Variants in TOMM70 observed in about 807,000 individuals in gnomAD.
TOMM70 encodes translocase of outer mitochondrial membrane 70.
Under a neutral mutation model 73.6 loss-of-function variants are expected in TOMM70, and 13 were observed. That is an observed-to-expected ratio of 0.18 (90% CI 0.11 to 0.28). TOMM70 has a LOEUF of 0.28. Among genes scored for constraint, TOMM70 ranks in the 10% least tolerant of loss-of-function variants. The probability of loss-of-function intolerance (pLI) is 1.00; values close to 1 mark genes in which losing one functional copy is unlikely to be tolerated. For missense variants in TOMM70, 609 were observed against 747.5 expected, an observed-to-expected ratio of 0.81 and a Z score of 2.16; for synonymous variants, 257 against 271.2, an observed-to-expected ratio of 0.95 and a Z score of 0.51.
intron 5 of TOMM70, among the ~76,000 whole-genome samples, chr3:100,379,557 G>A (rs1706606967): frequency 6.6e-6 from 1 of 152,198 alleles, no homozygotes; most frequent in African/African-American, 2.4e-5. Flanking sequence ...GATTCCAGGA[G>A]TTGGAGGCTG....
intron 8 of TOMM70, among the ~76,000 whole-genome samples, chr3:100,373,040 T>C (rs1706527495): frequency 6.6e-6 from 1 of 152,054 alleles, no homozygotes; most frequent in Non-Finnish European, 1.5e-5. Context: ...ATTTATAATA[T>C]ATATTTGTGA....
chr3:100,378,157 C>T (rs187383806), intron 5 of TOMM70, among the ~76,000 whole-genome samples: 3 of 151,862 alleles, frequency 2.0e-5, no homozygotes, highest in East Asian at 1.9e-4. Context: ...GCAGGAGAAT[C>T]GCTTGAACCC....
chr3:100,377,525 T>C (rs1040768705), intron 6 of TOMM70, 180 bp downstream of exon 6: 3 of 607,102 alleles, frequency 4.9e-6, no homozygotes, highest in Admixed American at 3.1e-5. Context: ...ATAAATATCA[T>C]TGATATTTAT....
Position 100,365,536 on chromosome 3 carries a change from A to G in TOMM70, c.*28T>C, listed in dbSNP as rs1706439467. ...GTTGAAGAGGGGGTAAACTTTTAAA[A>G]AGAGGGTCAGTCTGCTTTCCCCCTG... is the stretch of plus-strand genomic sequence containing the variant. On this transcript the variant is annotated 3_prime_UTR_variant, in exon 12 of 12. Coordinates refer to ENST00000284320, the MANE Select transcript of TOMM70 (RefSeq NM_014820.5). 6.2e-7 allele frequency: 1 copy of G among 1,613,770 alleles called. No individual in the cohort carries two copies. The highest frequency in any genetic ancestry group is 1.3e-5 in the African/African-American group (1 of 75,030).
At chr3:100,368,903 G>C in intron 10 of TOMM70, 135 bp downstream of exon 10, 1 of 616,860 alleles carries the variant, frequency 1.6e-6, no homozygotes. Flanking sequence ...AGAATGAAAA[G>C]ACATCTAGGA....
chr3:100,386,295 T>C lies in TOMM70; in HGVS notation c.548A>G (p.Asn183Ser). Residue 183 changes from asparagine to serine, a missense_variant, in exon 3 of 12, where the codon AAT becomes AGT. Physicochemically the swap from Asn to Ser is conservative, Grantham distance 46 (BLOSUM62 1). Transcript: ENST00000284320. ...AAAGAGAGCTTTCACATATTTGGGA[T>C]TAAGTTCAACAGCTTTTGTACAGTC... ...AQDCTKAVEL[N>S]PKYVKALFRR... 6.2e-7 allele frequency: 1 copy of C among 1,613,400 alleles called. No homozygotes were observed. Among genetic ancestry groups the C allele is most frequent in the Non-Finnish European group, 8.5e-7 (1 of 1,179,606 alleles).
chr3:100,388,747 T>C (rs890233041), intron 1 of TOMM70, among the ~76,000 whole-genome samples: 64 of 152,086 alleles, frequency 4.2e-4, no homozygotes, highest in African/African-American at 1.5e-3. Flanking sequence ...TTCAAAAAAA[T>C]GAGAGGCTAT....
At chr3:100,371,563 A>G (rs1432027252) in intron 9 of TOMM70, among the ~76,000 whole-genome samples, 1 of 152,116 alleles carries the variant, frequency 6.6e-6, no homozygotes, top group African/African-American at 2.4e-5. Context: ...CACCACACCC[A>G]GCCAGGGGAT....
At position 100,372,652 on chromosome 3, in the gene TOMM70, A is replaced by G. The variant is rs1416610483; in HGVS notation, c.1406T>C (p.Ile469Thr). Residue 469 changes from isoleucine (I) to threonine (T), a missense_variant, in exon 9 of 12, where the codon ATA (isoleucine) becomes ACA (threonine). Ile to Thr is a moderately conservative substitution (Grantham distance 89, BLOSUM62 -1). Transcript: ENST00000284320. ...QAAMKGFEEV[I>T]KKFPRCAEGY... ...TTCGGCACACCTTGGAAATTTCTTT[A>G]TGACCTCTTCAAAACCTTTCATAGC... 1 of 1,614,174 alleles carries G rather than the reference A, an allele frequency of 6.2e-7. No individual in the cohort carries two copies. Among genetic ancestry groups the G allele is most frequent in the South Asian group, 1.1e-5 (1 of 91,080 alleles).
chr3:100,379,495 G>T (rs1288982944), intron 5 of TOMM70, among the ~76,000 whole-genome samples: 1 of 152,136 alleles, frequency 6.6e-6, no homozygotes, highest in Non-Finnish European at 1.5e-5. Flanking sequence ...AGGCATGGTG[G>T]TGTGCACTTA....
At chr3:100,371,687 A>G (rs768985765) in intron 9 of TOMM70, among the ~76,000 whole-genome samples, 3 of 152,238 alleles carry the variant, frequency 2.0e-5, no homozygotes, top group African/African-American at 7.2e-5. Flanking sequence ...GCAGTCCCCA[A>G]CACCTTCCCA....
chr3:100,384,840 T>C (rs1706672257), intron 3 of TOMM70, among the ~76,000 whole-genome samples: 1 of 152,228 alleles, frequency 6.6e-6, no homozygotes, highest in Non-Finnish European at 1.5e-5. Flanking sequence ...CTATGCTGCA[T>C]GATTTCTGAT....
intron 1 of TOMM70, among the ~76,000 whole-genome samples, chr3:100,397,750 G>A (rs976527495): frequency 1.3e-5 from 2 of 152,042 alleles, no homozygotes; most frequent in African/African-American, 4.8e-5. Flanking sequence ...TTAGCCAGGC[G>A]TGGTGGTGCG....
At position 100,401,084 on chromosome 3, in the gene TOMM70, G is replaced by A; in HGVS notation, c.-135C>T. The stretch of plus-strand genomic sequence containing the variant: ...CGCTAGGCAGAGAGAGCGGACGACA[G>A]AAAAGGGCCAGAGGTCACCGGAAGC... On this transcript the variant is annotated 5_prime_UTR_variant, in exon 1 of 12. Transcript: ENST00000284320. 1.0e-6 allele frequency: 1 copy of A among 1,000,960 alleles called. No individual in the cohort carries two copies. The allele number at this position is 1,000,960 out of a possible 1,614,324, so 62.0% of individuals were successfully genotyped here.
intron 7 of TOMM70, among the ~76,000 whole-genome samples, chr3:100,374,729 A>G (rs1168276415): frequency 6.6e-6 from 1 of 152,214 alleles, no homozygotes; most frequent in Admixed American, 6.5e-5. Flanking sequence ...TTAATGTTTT[A>G]CTCATTGAAA....
rs1052984798 is a variant in TOMM70, at chr3:100,377,815, T to C, written c.982A>G (p.Met328Val). 3.7e-6 allele frequency: 6 copies of C among 1,614,134 alleles called. No individual in the cohort carries two copies. Among genetic ancestry groups the C allele is most frequent in the Admixed American group, 1.7e-5 (1 of 60,014 alleles). Residue 328 changes from methionine (M) to valine (V), a missense_variant, in exon 6 of 12, where the codon ATG becomes GTG. Physicochemically the swap from Met to Val is conservative, Grantham distance 21 (BLOSUM62 1). Coordinates refer to ENST00000284320, the MANE Select transcript of TOMM70 (RefSeq NM_014820.5). ...SKEIDAEGKY[M>V]AEALLLRATF... Reference sequence around the variant, plus strand: ...GCTCGTAGTAGCAATGCTTCTGCCATGTATTTGCCTTCAGCATCTATTTCT... The same window carrying C: ...GCTCGTAGTAGCAATGCTTCTGCCACGTATTTGCCTTCAGCATCTATTTCT...
rs751801275 is a variant in TOMM70 at position 100,400,671 on chromosome 3, G to A, written c.279C>T (p.Ala93=). 2.5e-6 allele frequency: 4 copies of A among 1,612,390 alleles called. No individual in the cohort carries two copies. Among genetic ancestry groups the A allele is most frequent in the African/African-American group, 2.7e-5 (2 of 74,994 alleles). Residue 93 remains alanine, a synonymous_variant, in exon 1 of 12, where the codon GCC becomes GCT. Transcript: ENST00000284320. ...RKTPEGRASP[A]PGSGHPEGPG... is the part of the protein sequence containing the mutation. ...GACCTTCAGGGTGTCCGCTGCCCGG[G>A]GCCGGACTGGCCCTGCCCTCCGGGG...
intron 1 of TOMM70, among the ~76,000 whole-genome samples, chr3:100,397,881 T>C (rs1221011397): frequency 2.0e-5 from 3 of 149,028 alleles, no homozygotes; most frequent in East Asian, 4.0e-4. Context: ...AGAGTGAGAC[T>C]CCGTATCAAA....
At chr3:100,367,076 C>T (rs554739171) in intron 11 of TOMM70, among the ~76,000 whole-genome samples, 1 of 152,162 alleles carries the variant, frequency 6.6e-6, no homozygotes, top group Non-Finnish European at 1.5e-5. Context: ...AAAAAGTTAG[C>T]TGGGCATGGT....
Sources: allele counts gnomAD v4.1 joint callset (sites outside exome capture counted in the v4.1 genomes callset), GRCh38; gene constraint gnomAD v4.1.1; transcripts MANE v1.5; gene names NCBI Gene and HGNC (gene_info 2026-07-23, HGNC 2026-07-21).